The following CNTN4 variants were observed in gnomAD, a reference collection of about 807,000 sequenced individuals.
CNTN4 encodes the protein contactin 4.
Under a neutral mutation model 122.5 loss-of-function variants are expected in CNTN4, and 77 were observed. The observed-to-expected ratio is 0.63, with a 90% CI of 0.52 to 0.76. CNTN4 has a LOEUF of 0.76. Among genes scored for constraint, CNTN4 ranks in the 30% least tolerant of loss-of-function variants. The pLI is 0.00. For synonymous variants in CNTN4, 512 were observed against 447.0 expected (o/e 1.15, Z -1.83); for missense variants, 1,256 against 1,259.1 (o/e 1.00, Z 0.04).
intron 6 of CNTN4, among the ~76,000 whole-genome samples, chr3:2,776,815 A>T (rs966395145): frequency 2.0e-5 from 3 of 152,198 alleles, no homozygotes; most frequent in East Asian, 3.8e-4. Context: ...CCTCAGTTAC[A>T]AATGTGGGCT....
At chr3:2,883,532 G>T (rs965390706) in intron 9 of CNTN4, among the ~76,000 whole-genome samples, 7 of 152,296 alleles carry the variant, frequency 4.6e-5, no homozygotes, top group Non-Finnish European at 1.0e-4. Context: ...CCTGTAATGT[G>T]CATGCTGTCT....
At chr3:3,053,674 A>T in intron 23 of CNTN4, 133 bp from the exon 24 acceptor site, 1 of 834,364 alleles carries the variant, frequency 1.2e-6, no homozygotes, top group South Asian at 1.4e-5. Flanking sequence ...AGCCTTCCAA[A>T]TGCAAGTGGG....
At chr3:2,312,268 C>A (rs556469278) in intron 2 of CNTN4, among the ~76,000 whole-genome samples, 3 of 152,044 alleles carry the variant, frequency 2.0e-5, no homozygotes, top group Admixed American at 6.6e-5. Context: ...GTTTTAAAAC[C>A]AGTTGCTAGG....
intron 2 of CNTN4, among the ~76,000 whole-genome samples, chr3:2,108,926 T>C (rs2125121896): frequency 6.6e-6 from 1 of 152,276 alleles, no homozygotes; most frequent in Non-Finnish European, 1.5e-5. Flanking sequence ...GCCTAAAACA[T>C]AGTAGATGCC....
intron 4 of CNTN4, among the ~76,000 whole-genome samples, chr3:2,678,431 T>G (rs916314333): frequency 6.6e-6 from 1 of 152,206 alleles, no homozygotes; most frequent in Non-Finnish European, 1.5e-5. Context: ...AGCTGCTTAA[T>G]AACAGCCAAA....
At chr3:3,044,988 G>A (rs1370610144) in intron 23 of CNTN4, among the ~76,000 whole-genome samples, 1 of 152,148 alleles carries the variant, frequency 6.6e-6, no homozygotes, top group African/African-American at 2.4e-5. Context: ...TGGCTCAGAG[G>A]GTCCCATGCC....
At chr3:2,187,556 G>T (rs9968061) in intron 2 of CNTN4, among the ~76,000 whole-genome samples, 3,736 of 152,226 alleles carry the variant, frequency 0.025, 140 homozygotes, top group African/African-American at 0.086. Context: ...CAGCTGTTGT[G>T]TAACTTATAG....
intron 2 of CNTN4, among the ~76,000 whole-genome samples, chr3:2,112,931 CCCTGTTAGGTAATTT>C (rs2033074991): frequency 2.6e-5 from 4 of 152,058 alleles, no homozygotes; most frequent in Admixed American, 2.6e-4. Context: ...TAGTATTCTC[CCCTGTTAGGTAATTT>C]CCAAGATGCA....
chr3:2,180,892 G>T (rs2036984834), intron 2 of CNTN4, among the ~76,000 whole-genome samples: 1 of 152,088 alleles, frequency 6.6e-6, no homozygotes, highest in African/African-American at 2.4e-5. Context: ...GTCAAACCCA[G>T]AGTAAATTGA....
At chr3:2,277,861 ATT>A (rs1559405954) in intron 2 of CNTN4, among the ~76,000 whole-genome samples, 1 of 152,138 alleles carries the variant, frequency 6.6e-6, no homozygotes, top group East Asian at 1.9e-4. Context: ...TTATCTGTCA[ATT>A]TCTTCTTCCT....
intron 3 of CNTN4, among the ~76,000 whole-genome samples, chr3:2,455,844 TG>T (rs2048978894): frequency 6.6e-6 from 1 of 152,016 alleles, no homozygotes. Context: ...AGTTAACTGT[TG>T]TATTAGTGGA....
At chr3:2,769,261 A>G (rs943000512) in intron 6 of CNTN4, among the ~76,000 whole-genome samples, 2 of 152,118 alleles carry the variant, frequency 1.3e-5, no homozygotes, top group African/African-American at 2.4e-5. Context: ...CAGGAGTTCA[A>G]GACCAGCCTG....
intron 13 of CNTN4, among the ~76,000 whole-genome samples, chr3:2,950,191 G>A (rs1263040931): frequency 6.6e-6 from 1 of 152,226 alleles, no homozygotes; most frequent in Non-Finnish European, 1.5e-5. Flanking sequence ...TCGAAGGGTA[G>A]CTAGCACTGG....
At chr3:2,238,743 T>TTTC (rs1559368798) in intron 2 of CNTN4, 1 of 72,602 alleles carries the variant, frequency 1.4e-5, no homozygotes, top group Non-Finnish European at 3.0e-5. Flanking sequence ...GTGTTTTTTT[T>TTTC]TTGAGACGGA....
chr3:2,601,397 T>A (rs2081040239), intron 4 of CNTN4, among the ~76,000 whole-genome samples: 1 of 152,226 alleles, frequency 6.6e-6, no homozygotes, highest in Non-Finnish European at 1.5e-5. Flanking sequence ...AAGGAAGGGA[T>A]CCAGTTTCAG....
chr3:2,793,647 AT>A (rs1314651937), intron 6 of CNTN4, among the ~76,000 whole-genome samples: 1 of 152,136 alleles, frequency 6.6e-6, no homozygotes, highest in Non-Finnish European at 1.5e-5. Context: ...TCGAAAAATG[AT>A]TTGTTTCAAT....
intron 4 of CNTN4, among the ~76,000 whole-genome samples, chr3:2,654,601 A>T (rs913802169): frequency 3.3e-5 from 5 of 152,204 alleles, no homozygotes; most frequent in Admixed American, 6.6e-5. Flanking sequence ...TAGTCAGGTC[A>T]GTCCACAAGC....
intron 3 of CNTN4, among the ~76,000 whole-genome samples, chr3:2,373,897 G>A (rs1174309469): frequency 1.3e-5 from 2 of 152,226 alleles, no homozygotes; most frequent in Non-Finnish European, 1.5e-5. Context: ...GCACGGAATG[G>A]CATTTCACTT....
intron 3 of CNTN4, among the ~76,000 whole-genome samples, chr3:2,507,345 A>C (rs1340777271): frequency 6.6e-6 from 1 of 152,184 alleles, no homozygotes; most frequent in East Asian, 1.9e-4. Context: ...GGTTTTTTTT[A>C]AACTGTCTTT....
Sources: allele counts gnomAD v4.1 joint callset (sites outside exome capture counted in the v4.1 genomes callset), GRCh38; gene constraint gnomAD v4.1.1; transcripts MANE v1.5; gene names NCBI Gene and HGNC (gene_info 2026-07-23, HGNC 2026-07-21).